The following NAV2 variants were observed in gnomAD, a reference collection of about 807,000 sequenced individuals.
The protein encoded by NAV2 is helicase, APC down-regulated 1.
A neutral mutation model predicts 223.2 loss-of-function variants in NAV2; 54 were observed. The observed-to-expected ratio is 0.24, with a 90% confidence interval of 0.19 to 0.30. The LOEUF is 0.30. Ranked by LOEUF, NAV2 falls within the 10% of genes least tolerant of loss-of-function variation. NAV2 has a pLI of 1.00. For synonymous variants in NAV2, 1,279 were observed against 1,239.3 expected (o/e 1.03, Z -0.67); for missense variants, 2,806 against 3,147.5 (o/e 0.89, Z 2.60).
chr11:19,812,809 C>T (rs74663368), intron 1 of NAV2, among the ~76,000 whole-genome samples: 3,303 of 152,186 alleles, frequency 0.022, 105 homozygotes, highest in African/African-American at 0.07. Flanking sequence ...GTTTTTCCAT[C>T]GCCTTTCTAT....
chr11:20,086,578 C>T (rs553288917), intron 26 of NAV2, among the ~76,000 whole-genome samples: 1 of 152,160 alleles, frequency 6.6e-6, no homozygotes, highest in Admixed American at 6.5e-5. Context: ...CTCTGTCCCC[C>T]ACCCCAACCC....
chr11:19,859,774 C>T (rs1378554535), intron 3 of NAV2, among the ~76,000 whole-genome samples: 2 of 148,196 alleles, frequency 1.3e-5, no homozygotes, highest in South Asian at 2.1e-4. Context: ...GGGGGGCTGA[C>T]CCCCCCACCT....
chr11:19,645,617 G>A (rs1364797), intron 1 of NAV2, among the ~76,000 whole-genome samples: 5,955 of 152,166 alleles, frequency 0.039, 150 homozygotes, highest in Middle Eastern at 0.068. Flanking sequence ...ATATCAACAC[G>A]CTGAAAAGGG....
At chr11:19,683,961 G>A (rs73426647) in intron 1 of NAV2, among the ~76,000 whole-genome samples, 2,775 of 152,234 alleles carry the variant, frequency 0.018, 96 homozygotes, top group African/African-American at 0.063. Context: ...AAAATGGGAC[G>A]ATAAGTTTAG....
intron 20 of NAV2, among the ~76,000 whole-genome samples, chr11:20,064,397 A>C (rs1057478475): frequency 1.3e-5 from 2 of 152,232 alleles, no homozygotes; most frequent in African/African-American, 4.8e-5. Context: ...CAGGACTGGC[A>C]CAGAGAAGCT....
chr11:19,764,728 T>C (rs1052746805), intron 1 of NAV2, among the ~76,000 whole-genome samples: 1 of 152,228 alleles, frequency 6.6e-6, no homozygotes, highest in East Asian at 1.9e-4. Flanking sequence ...TGAATGTATA[T>C]ATAAATGTCT....
intron 1 of NAV2, among the ~76,000 whole-genome samples, chr11:19,462,158 T>G (rs2133867732): frequency 6.6e-6 from 1 of 152,356 alleles, no homozygotes; most frequent in African/African-American, 2.4e-5. Context: ...TGAAAGCCAC[T>G]GGCTTAACTG....
chr11:20,052,688 C>T (rs1200782873), intron 17 of NAV2, among the ~76,000 whole-genome samples: 1 of 152,168 alleles, frequency 6.6e-6, no homozygotes, highest in Non-Finnish European at 1.5e-5. Context: ...TTGATGTGTC[C>T]TGGAAAGTTG....
intron 26 of NAV2, among the ~76,000 whole-genome samples, chr11:20,086,735 A>G (rs185824209): frequency 5.9e-4 from 90 of 152,348 alleles, no homozygotes; most frequent in African/African-American, 1.7e-3. Context: ...TTGACAGTGT[A>G]TGGTGATGGA....
At chr11:19,976,631 C>T (rs1194838576) in intron 10 of NAV2, among the ~76,000 whole-genome samples, 1 of 152,196 alleles carries the variant, frequency 6.6e-6, no homozygotes, top group Non-Finnish European at 1.5e-5. Context: ...TGGGACTAGC[C>T]AGAGTCAGCT....
chr11:19,409,244 G>T (rs1386682853), intron 1 of NAV2, among the ~76,000 whole-genome samples: 2 of 152,192 alleles, frequency 1.3e-5, no homozygotes, highest in South Asian at 4.1e-4. Flanking sequence ...GTTTAAAAAA[G>T]AGAAAGTAAG....
rs546247326 is a variant in NAV2, at chr11:19,910,789, C to T, written c.931+18195C>T. Among the ~76,000 whole-genome samples, 9 of 152,182 alleles carry T rather than the reference C, an allele frequency of 5.9e-5. No homozygotes were observed. The East Asian group carries it at 1.5e-3, about 26-fold the overall frequency. On this transcript the variant is annotated intron_variant, in intron 6 of 37. Transcript: ENST00000349880. The stretch of plus-strand genomic sequence containing the variant: ...AGAAGAATTGCTTGAACCTGAGAGG[C>T]GGAGGTTGCAGTGAGCCGAGATAGT...
intron 1 of NAV2, among the ~76,000 whole-genome samples, chr11:19,377,669 C>T (rs545152073): frequency 2.7e-5 from 3 of 111,888 alleles, no homozygotes; most frequent in South Asian, 5.3e-4. Context: ...AGGAGATTTC[C>T]AACCTGAATG....
upstream of NAV2, among the ~76,000 whole-genome samples, chr11:19,346,919 A>G (rs1853045624): frequency 6.6e-6 from 1 of 152,168 alleles, no homozygotes; most frequent in Non-Finnish European, 1.5e-5. Context: ...TAAAAATGCG[A>G]TTTTGGTGAT....
chr11:19,895,823 C>A (rs1284389987), intron 6 of NAV2, among the ~76,000 whole-genome samples: 1 of 152,120 alleles, frequency 6.6e-6, no homozygotes, highest in Non-Finnish European at 1.5e-5. Flanking sequence ...CTTGGTTTCC[C>A]TTGAGTCTGA....
chr11:19,892,931 C>T (rs1243505232), intron 6 of NAV2, among the ~76,000 whole-genome samples: 2 of 152,080 alleles, frequency 1.3e-5, no homozygotes, highest in Admixed American at 1.3e-4. Context: ...TTCAGAAATG[C>T]AAGCTTCTTG....
At chr11:19,452,881 A>G (rs745720005) in intron 1 of NAV2, among the ~76,000 whole-genome samples, 4 of 152,218 alleles carry the variant, frequency 2.6e-5, no homozygotes, top group Admixed American at 6.5e-5. Flanking sequence ...CATAATAACA[A>G]TAAGATAGCT....
chr11:19,948,549 C>T (rs924972190), intron 9 of NAV2, 142 bp from the exon 10 acceptor site: 8 of 770,674 alleles, frequency 1.0e-5, no homozygotes, highest in African/African-American at 1.8e-5. Flanking sequence ...AGAGGAAGCA[C>T]ATCAGGTGGT....
At chr11:19,941,770 C>T (rs2046420571) in intron 8 of NAV2, among the ~76,000 whole-genome samples, 1 of 152,096 alleles carries the variant, frequency 6.6e-6, no homozygotes, top group Admixed American at 6.5e-5. Flanking sequence ...AAATGTTGTT[C>T]CTTCATAAGG....
Sources: allele counts gnomAD v4.1 joint callset (sites outside exome capture counted in the v4.1 genomes callset), GRCh38; gene constraint gnomAD v4.1.1; transcripts MANE v1.5; gene names NCBI Gene and HGNC (gene_info 2026-07-23, HGNC 2026-07-21).